The following MACROD2 variants were observed in gnomAD, a reference collection of about 807,000 sequenced individuals.
The protein encoded by MACROD2 is ADP-ribose glycohydrolase MACROD2.
Under a neutral mutation model 70.4 loss-of-function variants are expected in MACROD2, and 36 were observed. The observed-to-expected ratio is 0.51, with a 90% CI of 0.39 to 0.68. The LOEUF (loss-of-function observed/expected upper bound fraction) is 0.68, where lower values mean the gene tolerates loss of function less well. Ranked by LOEUF, MACROD2 falls within the 30% of genes least tolerant of loss-of-function variation. MACROD2 has a pLI of 0.00. For missense variants in MACROD2, 496 were observed against 538.4 expected, an observed-to-expected ratio of 0.92 and a Z score of 0.78; for synonymous variants, 172 against 178.8, an observed-to-expected ratio of 0.96 and a Z score of 0.30.
chr20:15,179,002 C>A (rs981979044), intron 5 of MACROD2, among the ~76,000 whole-genome samples: 6 of 152,124 alleles, frequency 3.9e-5, no homozygotes, highest in Non-Finnish European at 7.3e-5. Flanking sequence ...GGTGTGGTTA[C>A]CTGAGCAAAT....
At chr20:14,621,898 G>C (rs954048079) in intron 4 of MACROD2, 5 of 152,150 alleles carry the variant, frequency 3.3e-5, no homozygotes, top group Non-Finnish European at 7.4e-5. Flanking sequence ...AAAGACCACA[G>C]TCAGGCCTTG....
intron 3 of MACROD2, chr20:14,327,148 G>T (rs1307785074): frequency 6.2e-7 from 1 of 1,613,766 alleles, no homozygotes. Context: ...TGAATCATAA[G>T]TGATAGTCCT....
rs543137879 is a variant in MACROD2 at position 15,548,973 on chromosome 20, A to G, written c.645+49126A>G. ...GGACATCCAGATCAGTCAAGCCTCAAAGGATTTCAGCTCCAGCTGACTTCT... is the reference window on the plus strand; with the variant it reads ...GGACATCCAGATCAGTCAAGCCTCAGAGGATTTCAGCTCCAGCTGACTTCT... On this transcript the variant is annotated intron_variant, in intron 8 of 17. Transcript: ENST00000684519. Among the ~76,000 whole-genome samples, 54 of 152,260 alleles carry G rather than the reference A, an allele frequency of 3.5e-4. No individual in the cohort carries two copies. In the South Asian group the frequency reaches 0.011, roughly 30 times the overall value.
chr20:14,325,750 A>T, intron 3 of MACROD2: 2 of 1,613,888 alleles, frequency 1.2e-6, no homozygotes, highest in East Asian at 4.5e-5. Flanking sequence ...GATTTCCAGG[A>T]TAGAGTTGTC....
At chr20:14,665,702 T>C (rs1324451046) in intron 4 of MACROD2, among the ~76,000 whole-genome samples, 1 of 152,146 alleles carries the variant, frequency 6.6e-6, no homozygotes, top group Non-Finnish European at 1.5e-5. Flanking sequence ...GAATTTTTTT[T>C]CCTCAACCTA....
At chr20:14,328,116 C>T (rs905982708) in intron 3 of MACROD2, among the ~76,000 whole-genome samples, 1 of 152,128 alleles carries the variant, frequency 6.6e-6, no homozygotes, top group African/African-American at 2.4e-5. Context: ...TCCTCAATCT[C>T]AAACCCATAG....
At chr20:14,963,179 TAG>T in intron 5 of MACROD2, among the ~76,000 whole-genome samples, 1 of 152,176 alleles carries the variant, frequency 6.6e-6, no homozygotes, top group East Asian at 1.9e-4. Flanking sequence ...GATGTGCAGG[TAG>T]AGATTATTGA....
chr20:14,246,282 T>G (rs1448483588), intron 3 of MACROD2, among the ~76,000 whole-genome samples: 1 of 152,220 alleles, frequency 6.6e-6, no homozygotes, highest in East Asian at 1.9e-4. Context: ...ACAATCAGGA[T>G]ATCATCATCA....
rs779700362 is a variant in MACROD2, at chr20:15,188,784, C to A, written c.419-41156C>A. 9.3e-4 allele frequency among the ~76,000 whole-genome samples: 142 copies of A among 152,088 alleles called. 1 individual carries two copies. Among genetic ancestry groups the A allele is most frequent in the Non-Finnish European group, 3.2e-4 (22 of 68,012 alleles). ...TTTTTTGACCTTGAAATACATGTAG[C>A]CAATCTGCTTGGCAATTTGTAATTG... On this transcript the variant is annotated intron_variant, in intron 5 of 17. Transcript: ENST00000684519.
chr20:14,475,569 AT>A (rs550704242), intron 3 of MACROD2, among the ~76,000 whole-genome samples: 330 of 144,994 alleles, frequency 2.3e-3, no homozygotes, highest in Middle Eastern at 7.3e-3. Context: ...TCCCTTTAGC[AT>A]TTTTTTTTTT....
intron 5 of MACROD2, among the ~76,000 whole-genome samples, chr20:15,034,054 G>A (rs2075295375): frequency 1.3e-5 from 2 of 152,172 alleles, no homozygotes; most frequent in African/African-American, 4.8e-5. Flanking sequence ...AAATATACAG[G>A]AAGATAAACT....
chr20:14,969,161 T>TTATATATATATATA lies in MACROD2; in HGVS notation c.419-260774_419-260761dup, dbSNP rs150798380. ...CAAAATTATAGCACCTATCTCCAGT[T>TTATATATATATATA]TATATATATATATATATAAATCTGT... On this transcript the variant is annotated intron_variant, in intron 5 of 17. Coordinates refer to ENST00000684519, the MANE Select transcript of MACROD2 (RefSeq NM_001351661.2). Among the ~76,000 whole-genome samples the TTATATATATATATA allele has an allele frequency of 1.8e-3, 273 of 147,738 alleles. 1 individual carries two copies. The highest frequency in any genetic ancestry group is 6.7e-3 in the African/African-American group (268 of 40,224).
intron 5 of MACROD2, among the ~76,000 whole-genome samples, chr20:14,892,478 T>G (rs926459805): frequency 6.6e-6 from 1 of 152,074 alleles, no homozygotes; most frequent in Non-Finnish European, 1.5e-5. Flanking sequence ...ACAAAAAATC[T>G]AATGTAGAAT....
chr20:14,994,351 G>A (rs921207243), intron 5 of MACROD2, among the ~76,000 whole-genome samples: 7 of 152,168 alleles, frequency 4.6e-5, no homozygotes, highest in South Asian at 2.1e-4. Context: ...TCAAAATCAC[G>A]CTCTGGAAGG....
chr20:14,317,576 C>T (rs866195690), intron 3 of MACROD2, among the ~76,000 whole-genome samples: 22 of 147,936 alleles, frequency 1.5e-4, no homozygotes, highest in Admixed American at 4.8e-4. Flanking sequence ...GCCAAGATTG[C>T]GCCACTGCAC....
intron 5 of MACROD2, among the ~76,000 whole-genome samples, chr20:14,765,378 ATT>A (rs5840632): frequency 2.7e-5 from 4 of 150,844 alleles, no homozygotes; most frequent in African/African-American, 7.3e-5. Flanking sequence ...TATTCCTGCC[ATT>A]TTTTTTTTCC....
chr20:14,132,796 G>A (rs778415501), intron 3 of MACROD2, among the ~76,000 whole-genome samples: 5 of 151,970 alleles, frequency 3.3e-5, no homozygotes, highest in African/African-American at 4.8e-5. Context: ...ATGCCACTGT[G>A]CCTGGCTAAT....
intron 3 of MACROD2, among the ~76,000 whole-genome samples, chr20:14,270,589 A>G (rs944731136): frequency 9.0e-5 from 13 of 144,692 alleles, no homozygotes; most frequent in African/African-American, 3.4e-4. Context: ...CTCCATCTCA[A>G]AAAAAAAAAA....
At chr20:15,618,563 C>A (rs2049075406) in intron 8 of MACROD2, among the ~76,000 whole-genome samples, 1 of 124,006 alleles carries the variant, frequency 8.1e-6, no homozygotes, top group Non-Finnish European at 1.6e-5. Flanking sequence ...ATTGAGATTT[C>A]TCCCAACAGT....
Sources: allele counts gnomAD v4.1 joint callset (sites outside exome capture counted in the v4.1 genomes callset), GRCh38; gene constraint gnomAD v4.1.1; transcripts MANE v1.5; gene names NCBI Gene and HGNC (gene_info 2026-07-23, HGNC 2026-07-21).